BLTP1: variants seen among roughly 807,000 people sequenced by gnomAD.
The protein encoded by BLTP1 is fragile site-associated protein.
the BLTP1 span, chr4:122,228,986 A>G: frequency 2.9e-6 from 2 of 699,140 alleles, no homozygotes; most frequent in Middle Eastern, 8.7e-4. Context: ...TTATTATAAA[A>G]GAATGAAATT....
chr4:122,240,261 A>G, the BLTP1 span: 1 of 1,614,100 alleles, frequency 6.2e-7, no homozygotes, highest in Non-Finnish European at 8.5e-7. Context: ...AAGAACCTCT[A>G]AATCCTCATT....
the BLTP1 span, among the ~76,000 whole-genome samples, chr4:122,205,246 G>A: frequency 6.6e-6 from 1 of 151,708 alleles, no homozygotes; most frequent in Non-Finnish European, 1.5e-5. Context: ...TTTTCCTTAG[G>A]ATATCTTTAA....
At chr4:122,201,207 A>G in the BLTP1 span, 5 of 1,076,522 alleles carry the variant, frequency 4.6e-6, no homozygotes, top group Non-Finnish European at 6.7e-6. Flanking sequence ...CTTTTAAATT[A>G]CATAGGGATA....
At chr4:122,228,014 T>G in the BLTP1 span, among the ~76,000 whole-genome samples, 1 of 151,496 alleles carries the variant, frequency 6.6e-6, no homozygotes, top group Non-Finnish European at 1.5e-5. Context: ...CCTGGGTTCA[T>G]GCCACTCTCT....
the BLTP1 span, chr4:122,174,420 G>A: frequency 2.5e-4 from 233 of 945,398 alleles, 1 homozygote; most frequent in African/African-American, 3.4e-3. Context: ...GGGAAAGAAT[G>A]ATGGAAAATC....
At chr4:122,249,408 A>G in the BLTP1 span, 3 of 1,555,474 alleles carry the variant, frequency 1.9e-6, no homozygotes, top group South Asian at 1.2e-5. Flanking sequence ...CCAGTGTGCC[A>G]TATGTCCAAA....
At chr4:122,315,229 T>G in the BLTP1 span, among the ~76,000 whole-genome samples, 1 of 152,104 alleles carries the variant, frequency 6.6e-6, no homozygotes, top group Non-Finnish European at 1.5e-5. Flanking sequence ...TGGATCAACT[T>G]GGGGTCAGGG....
At chr4:122,283,927 C>T in the BLTP1 span, among the ~76,000 whole-genome samples, 4 of 152,282 alleles carry the variant, frequency 2.6e-5, no homozygotes, top group Non-Finnish European at 5.9e-5. Flanking sequence ...CAATATTCAA[C>T]CTTCCTATCC....
the BLTP1 span, chr4:122,325,416 T>G: frequency 1.4e-6 from 2 of 1,421,498 alleles, no homozygotes; most frequent in South Asian, 1.6e-5. Context: ...TACTGATTTC[T>G]TACTATAATC....
the BLTP1 span, chr4:122,238,383 A>G: frequency 3.9e-6 from 6 of 1,554,338 alleles, no homozygotes; most frequent in Non-Finnish European, 5.3e-6. Flanking sequence ...AAGCCTGATC[A>G]TAAATAGGAT....
the BLTP1 span, among the ~76,000 whole-genome samples, chr4:122,238,565 G>C: frequency 6.6e-6 from 1 of 152,208 alleles, no homozygotes; most frequent in East Asian, 1.9e-4. Context: ...GTACAGGAAA[G>C]TGTAATGAAA....
At chr4:122,253,516 G>A in the BLTP1 span, among the ~76,000 whole-genome samples, 3 of 152,018 alleles carry the variant, frequency 2.0e-5, no homozygotes, top group East Asian at 3.9e-4. Flanking sequence ...AGTGAAGAAT[G>A]CATCAGAGTC....
At chr4:122,155,589 G>A in the BLTP1 span, among the ~76,000 whole-genome samples, 9 of 152,286 alleles carry the variant, frequency 5.9e-5, no homozygotes, top group Non-Finnish European at 1.3e-4. Flanking sequence ...TTCCCTAAGT[G>A]GTGGGATTAC....
the BLTP1 span, chr4:122,246,807 A>C: frequency 6.2e-7 from 1 of 1,612,508 alleles, no homozygotes; most frequent in Non-Finnish European, 8.5e-7. Flanking sequence ...GTTCGCATGA[A>C]CAGGTAAGAA....
At chr4:122,181,318 C>T in the BLTP1 span, 1 of 598,142 alleles carries the variant, frequency 1.7e-6, no homozygotes, top group East Asian at 1.4e-4. Flanking sequence ...CACTTGAACA[C>T]TCCTCTTTTT....
At chr4:122,190,386 G>A in the BLTP1 span, 1 of 973,074 alleles carries the variant, frequency 1.0e-6, no homozygotes. Flanking sequence ...ATGAGCCCAT[G>A]GTGCCTGGCC....
chr4:122,322,628 A>G, the BLTP1 span, among the ~76,000 whole-genome samples: 3,122 of 152,254 alleles, frequency 0.021, 47 homozygotes, highest in Non-Finnish European at 0.032. Flanking sequence ...TGCTGTAAAG[A>G]AGCTTTAGTG....
At chr4:122,186,726 A>G in the BLTP1 span, among the ~76,000 whole-genome samples, 1 of 152,032 alleles carries the variant, frequency 6.6e-6, no homozygotes, top group Non-Finnish European at 1.5e-5. Context: ...CTACAAAATT[A>G]TTCTGGAACA....
chr4:122,155,324 ATTTT>A, the BLTP1 span, among the ~76,000 whole-genome samples: 2 of 141,778 alleles, frequency 1.4e-5, no homozygotes, highest in African/African-American at 5.2e-5. Context: ...GGAAGCTAGG[ATTTT>A]TTTTTTTTTT....
Sources: allele counts gnomAD v4.1 joint callset (sites outside exome capture counted in the v4.1 genomes callset), GRCh38; gene constraint gnomAD v4.1.1; transcripts MANE v1.5; gene names NCBI Gene and HGNC (gene_info 2026-07-23, HGNC 2026-07-21).